The following C10orf90 variants were observed in gnomAD, a reference collection of about 807,000 sequenced individuals.
C10orf90 encodes (E2-independent) E3 ubiquitin-conjugating enzyme FATS.
Under a neutral mutation model 62.5 loss-of-function variants are expected in C10orf90, and 56 were observed. The observed-to-expected ratio is 0.90, with a 90% CI of 0.72 to 1.12. The LOEUF (loss-of-function observed/expected upper bound fraction) is 1.12, where lower values mean the gene tolerates loss of function less well. Ranked by LOEUF, C10orf90 falls within the 50% of genes most tolerant of loss-of-function variation. The pLI is 0.00. For missense variants in C10orf90, 970 were observed against 880.4 expected (o/e 1.10, Z -1.29); for synonymous variants, 386 against 340.4 (o/e 1.13, Z -1.47).
chr10:126,574,262 C>A (rs115666052), intron 2 of C10orf90, among the ~76,000 whole-genome samples: 1 of 151,844 alleles, frequency 6.6e-6, no homozygotes. Flanking sequence ...ATTGAGCACT[C>A]GTATGTGAGA....
chr10:126,660,198 A>C (rs1846480073), intron 1 of C10orf90, among the ~76,000 whole-genome samples: 1 of 152,246 alleles, frequency 6.6e-6, no homozygotes, highest in Non-Finnish European at 1.5e-5. Flanking sequence ...GATCCTATGA[A>C]TATGACGGGC....
chr10:126,535,233 G>C (rs1355257858), intron 2 of C10orf90, among the ~76,000 whole-genome samples: 1 of 151,550 alleles, frequency 6.6e-6, no homozygotes, highest in East Asian at 1.9e-4. Flanking sequence ...TAAAAAATTT[G>C]TCAGCTGGGT....
Position 126,465,124 on chromosome 10 carries a change from C to A in C10orf90, c.1535-138G>T, listed in dbSNP as rs1860211604. 4 of 810,004 alleles carry A rather than the reference C, an allele frequency of 4.9e-6. No homozygotes were observed. In the East Asian group the frequency reaches 1.1e-4, roughly 22 times the overall value. 50.2% of individuals were successfully genotyped at this position (810,004 alleles called of 1,614,324 possible). On this transcript the variant is annotated intron_variant, in intron 4 of 9. Transcript: ENST00000488181. Reference sequence around the variant, plus strand: ...CTGCAAGTTCAGTTAGGAGGGCCATCTGTATACAGTGCTGTCTTGGATTGG... The same window carrying A: ...CTGCAAGTTCAGTTAGGAGGGCCATATGTATACAGTGCTGTCTTGGATTGG...
chr10:126,559,425 T>C (rs140905568), intron 2 of C10orf90, among the ~76,000 whole-genome samples: 1,530 of 152,344 alleles, frequency 0.01, 23 homozygotes, highest in African/African-American at 0.035. Context: ...TCATCTGTCA[T>C]TTCTCAGTTG....
chr10:126,615,563 A>T (rs1591146547), intron 2 of C10orf90, among the ~76,000 whole-genome samples: 1 of 152,158 alleles, frequency 6.6e-6, no homozygotes, highest in African/African-American at 2.4e-5. Flanking sequence ...TCATACTTTT[A>T]ATTTTCTTAT....
chr10:126,547,679 A>G (rs1864533564), intron 2 of C10orf90, among the ~76,000 whole-genome samples: 1 of 152,068 alleles, frequency 6.6e-6, no homozygotes, highest in Non-Finnish European at 1.5e-5. Context: ...CAAAGAAATA[A>G]TGGAAACTGT....
At chr10:126,494,816 G>A (rs1861954370) in intron 4 of C10orf90, among the ~76,000 whole-genome samples, 1 of 152,244 alleles carries the variant, frequency 6.6e-6, no homozygotes, top group Admixed American at 6.5e-5. Context: ...TTAGGCAAGA[G>A]TAGGCATTTG....
At position 126,441,891 on chromosome 10, in the gene C10orf90, C is replaced by T. The variant is rs59665981; in HGVS notation, c.2189-12041G>A. On this transcript the variant is annotated intron_variant, in intron 7 of 9. Coordinates refer to ENST00000488181, the MANE Select transcript of C10orf90 (RefSeq NM_001350921.2). ...AAAGAACTCTAAAAGTGCTCTAAAT[C>T]ATGAAACAAATCCTGGAAACACATC... 5.0e-3 allele frequency among the ~76,000 whole-genome samples: 756 copies of T among 152,158 alleles called. 10 individuals carry two copies. Among genetic ancestry groups the T allele is most frequent in the African/African-American group, 0.017 (704 of 41,518 alleles).
At chr10:126,451,636 G>A (rs542600697) in intron 7 of C10orf90, among the ~76,000 whole-genome samples, 1 of 151,638 alleles carries the variant, frequency 6.6e-6, no homozygotes, top group Admixed American at 6.6e-5. Context: ...TCACATATAT[G>A]TATAATGTAT....
chr10:126,669,509 A>G (rs1846702719), intron 1 of C10orf90, among the ~76,000 whole-genome samples: 1 of 152,250 alleles, frequency 6.6e-6, no homozygotes, highest in Non-Finnish European at 1.5e-5. Flanking sequence ...AATGAGCTAT[A>G]TGGGAGTCAA....
chr10:126,491,680 T>G (rs1250859074), intron 4 of C10orf90, among the ~76,000 whole-genome samples: 1 of 152,216 alleles, frequency 6.6e-6, no homozygotes, highest in Non-Finnish European at 1.5e-5. Flanking sequence ...TCACACAATA[T>G]TCAAGTTGCG....
intron 2 of C10orf90, chr10:126,521,149 G>T: frequency 1.3e-6 from 1 of 767,866 alleles, no homozygotes; most frequent in Non-Finnish European, 2.1e-6. Context: ...TCCCCAAGTT[G>T]GCCCAGGTCT....
In C10orf90 at chr10:126,669,959, A is replaced by G. The variant is rs114347292; in HGVS notation, c.240+282T>C. On this transcript the variant is annotated intron_variant, in intron 1 of 9. Transcript: ENST00000488181. ...TAGTTTCTAAACATGGATACAAATT[A>G]CCCAACTCAGTAGTCTTTGGAGCAC... Among the ~76,000 whole-genome samples the G allele has an allele frequency of 2.9e-3, 437 of 152,302 alleles. 3 individuals carry two copies. Among genetic ancestry groups the G allele is most frequent in the African/African-American group, 0.01 (419 of 41,564 alleles).
intron 2 of C10orf90, among the ~76,000 whole-genome samples, chr10:126,570,927 T>TA (rs1358800327): frequency 2.2e-4 from 34 of 152,080 alleles, no homozygotes; most frequent in Admixed American, 2.0e-4. Context: ...CCCAGAAACA[T>TA]ATTTTCTCAA....
At chr10:126,524,258 G>T (rs930096170) in intron 2 of C10orf90, among the ~76,000 whole-genome samples, 1 of 152,166 alleles carries the variant, frequency 6.6e-6, no homozygotes, top group Non-Finnish European at 1.5e-5. Flanking sequence ...ATGACCACAT[G>T]TGCAGAGGGA....
intron 2 of C10orf90, among the ~76,000 whole-genome samples, chr10:126,548,745 C>CTTTT (rs71486601): frequency 3.5e-5 from 5 of 142,648 alleles, no homozygotes; most frequent in Non-Finnish European, 6.1e-5. Context: ...TATTACACAG[C>CTTTT]TTTTTTTTTT....
chr10:126,516,448 C>A (rs183616452), intron 2 of C10orf90, among the ~76,000 whole-genome samples: 1 of 152,172 alleles, frequency 6.6e-6, no homozygotes, highest in Non-Finnish European at 1.5e-5. Flanking sequence ...TCTTGTTACT[C>A]GTGTGGCTTT....
At chr10:126,623,611 G>A (rs1176393460) in intron 2 of C10orf90, among the ~76,000 whole-genome samples, 3 of 152,116 alleles carry the variant, frequency 2.0e-5, no homozygotes, top group Admixed American at 1.3e-4. Flanking sequence ...GGAGGCCAAA[G>A]TGGGTGGATC....
chr10:126,524,143 T>A (rs554953425), intron 2 of C10orf90, among the ~76,000 whole-genome samples: 1 of 152,314 alleles, frequency 6.6e-6, no homozygotes, highest in Admixed American at 6.5e-5. Context: ...ACAAACTAGT[T>A]CTTGTTTTGA....
Sources: gnomAD v4.1 joint callset for allele counts (sites outside exome capture counted in the v4.1 genomes callset) on GRCh38, gnomAD v4.1.1 for gene constraint, MANE v1.5 for transcripts, NCBI Gene and HGNC (gene_info 2026-07-23, HGNC 2026-07-21) for gene names.